The following GPAT3 variants were observed in gnomAD, a reference collection of about 807,000 sequenced individuals.
GPAT3 encodes the protein glycerol-3-phosphate acyltransferase 3.
A neutral mutation model predicts 58.8 loss-of-function variants in GPAT3; 53 were observed. The ratio of observed to expected loss-of-function variants is 0.90; its 90% CI spans 0.72 to 1.13. The LOEUF is 1.13. Among genes scored for constraint, GPAT3 ranks in the 50% most tolerant of loss-of-function variants. The pLI, the probability that GPAT3 is intolerant of heterozygous loss-of-function variation, is 0.00. For missense variants in GPAT3, 511 were observed against 527.6 expected (o/e 0.97, Z 0.31); for synonymous variants, 197 against 187.4 (o/e 1.05, Z -0.42).
intron 2 of GPAT3, among the ~76,000 whole-genome samples, chr4:83,560,652 G>T (rs770250753): frequency 2.6e-5 from 4 of 152,142 alleles, no homozygotes; most frequent in Non-Finnish European, 5.9e-5. Flanking sequence ...GTGTCCTCCT[G>T]CTCAAATCGC....
At chr4:83,586,410 C>T (rs1047529276) in intron 3 of GPAT3, among the ~76,000 whole-genome samples, 2 of 152,162 alleles carry the variant, frequency 1.3e-5, no homozygotes, top group East Asian at 3.8e-4. Context: ...TTGAATACCT[C>T]ACGCATTCAG....
At chr4:83,556,603 A>C (rs1724950379) in intron 2 of GPAT3, among the ~76,000 whole-genome samples, 1 of 151,640 alleles carries the variant, frequency 6.6e-6, no homozygotes, top group Non-Finnish European at 1.5e-5. Flanking sequence ...TAGTGTCCTC[A>C]GCTCCACCCC....
intron 3 of GPAT3, among the ~76,000 whole-genome samples, chr4:83,584,178 C>A (rs1726279634): frequency 6.6e-6 from 1 of 152,146 alleles, no homozygotes; most frequent in African/African-American, 2.4e-5. Flanking sequence ...ATCTACTAAA[C>A]AAATGCTCAC....
rs186811381 is a variant in GPAT3, at chr4:83,581,592, A to G, written c.239A>G (p.Glu80Gly). The part of the protein sequence containing the change: ...GIIQRDESPM[E>G]KGLSGLRGRD... ...ATCCAAAGAGATGAGTCACCCATGGAAAAAGGGCTCTCTGGTCTACGAGGA... is the reference window on the plus strand; with the variant it reads ...ATCCAAAGAGATGAGTCACCCATGGGAAAAGGGCTCTCTGGTCTACGAGGA... Residue 80 changes from glutamate to glycine, a missense_variant, in exon 3 of 12, where the codon GAA becomes GGA. Transcript: ENST00000264409. 3.8e-5 allele frequency: 62 copies of G among 1,613,952 alleles called. No individual in the cohort carries two copies. In the East Asian group the frequency reaches 7.4e-4, roughly 19 times the overall value.
At chr4:83,598,331 G>A (rs2110110102) in intron 10 of GPAT3, 152 bp downstream of exon 10, 1 of 1,065,404 alleles carries the variant, frequency 9.4e-7, no homozygotes, top group East Asian at 2.7e-5. Flanking sequence ...CTTTAAATCA[G>A]ACCATTTTAT....
intron 7 of GPAT3, among the ~76,000 whole-genome samples, chr4:83,595,608 A>ACAG (rs1726792406): frequency 6.6e-6 from 1 of 152,146 alleles, no homozygotes; most frequent in Non-Finnish European, 1.5e-5. Context: ...CTGTGGTCCC[A>ACAG]GCTACTTGGG....
intron 2 of GPAT3, among the ~76,000 whole-genome samples, chr4:83,565,418 G>A (rs1045608561): frequency 6.6e-6 from 1 of 151,990 alleles, no homozygotes; most frequent in African/African-American, 2.4e-5. Context: ...TATACATTTG[G>A]ATCTGTTTCT....
chr4:83,551,707 G>A (rs367653081), intron 2 of GPAT3, among the ~76,000 whole-genome samples: 3 of 148,854 alleles, frequency 2.0e-5, no homozygotes, highest in Non-Finnish European at 4.4e-5. Context: ...CAGGAGAATC[G>A]CTTGAACCTG....
chr4:83,582,989 C>A (rs1435022715), intron 3 of GPAT3, among the ~76,000 whole-genome samples: 1 of 152,232 alleles, frequency 6.6e-6, no homozygotes, highest in Admixed American at 6.5e-5. Flanking sequence ...AATATTAGAG[C>A]TCTTATTTAC....
chr4:83,587,213 T>C, intron 3 of GPAT3, 42 bp from the exon 4 acceptor site: 1 of 1,541,556 alleles, frequency 6.5e-7, no homozygotes, highest in South Asian at 1.1e-5. Flanking sequence ...ACTTCCATGC[T>C]ATGTGTCAAA....
At chr4:83,560,294 G>A (rs542561899) in intron 2 of GPAT3, among the ~76,000 whole-genome samples, 9 of 152,322 alleles carry the variant, frequency 5.9e-5, no homozygotes, top group African/African-American at 2.2e-4. Flanking sequence ...GTGCAATGTG[G>A]CCTGCTCTTC....
At chr4:83,599,883 A>G (rs1447004299) in intron 11 of GPAT3, among the ~76,000 whole-genome samples, 1 of 152,226 alleles carries the variant, frequency 6.6e-6, no homozygotes, top group Non-Finnish European at 1.5e-5. Context: ...CTATATGTAC[A>G]TAGCTATGAT....
At chr4:83,584,749 G>T (rs1206448048) in intron 3 of GPAT3, among the ~76,000 whole-genome samples, 1 of 152,170 alleles carries the variant, frequency 6.6e-6, no homozygotes, top group African/African-American at 2.4e-5. Flanking sequence ...GAAGTGATCC[G>T]CCTGCCTTGG....
At chr4:83,593,440 A>G (rs1726688006) in intron 6 of GPAT3, among the ~76,000 whole-genome samples, 1 of 151,720 alleles carries the variant, frequency 6.6e-6, no homozygotes, top group East Asian at 1.9e-4. Context: ...TGCTGGGAAT[A>G]CAGGTGTGAA....
At chr4:83,565,841 C>A (rs184834764) in intron 2 of GPAT3, among the ~76,000 whole-genome samples, 1 of 152,142 alleles carries the variant, frequency 6.6e-6, no homozygotes, top group African/African-American at 2.4e-5. Context: ...GGTTTACAAG[C>A]GCTTTGTTCT....
chr4:83,551,315 A>G lies in GPAT3; in HGVS notation c.208+6713A>G, dbSNP rs148174249. On this transcript the variant is annotated intron_variant, in intron 2 of 11. Transcript: ENST00000264409. Reference sequence around the variant, plus strand: ...AGAAAAGAAAATATATAGTATAATAACATTTATTTAAAATTTAGAATCACA... The same window carrying G: ...AGAAAAGAAAATATATAGTATAATAGCATTTATTTAAAATTTAGAATCACA... Among the ~76,000 whole-genome samples the G allele has an allele frequency of 6.3e-3, 955 of 152,286 alleles. 13 individuals carry two copies. Among genetic ancestry groups the G allele is most frequent in the African/African-American group, 0.021 (860 of 41,560 alleles).
intron 2 of GPAT3, among the ~76,000 whole-genome samples, chr4:83,572,818 A>T (rs1444003248): frequency 6.6e-6 from 1 of 152,228 alleles, no homozygotes; most frequent in Admixed American, 6.5e-5. Flanking sequence ...TCGCTGTGAA[A>T]TGAGCTTAGC....
intron 2 of GPAT3, among the ~76,000 whole-genome samples, chr4:83,567,872 T>C (rs190147629): frequency 6.6e-6 from 1 of 152,318 alleles, no homozygotes; most frequent in Admixed American, 6.5e-5. Flanking sequence ...ATTTCATCTG[T>C]GCAAATGGTT....
intron 2 of GPAT3, among the ~76,000 whole-genome samples, chr4:83,561,476 C>T (rs1725122706): frequency 6.6e-6 from 1 of 151,876 alleles, no homozygotes; most frequent in Admixed American, 6.6e-5. Context: ...ATGACGTTGG[C>T]ACAAACCTGC....
Sources: gnomAD v4.1 joint callset for allele counts (sites outside exome capture counted in the v4.1 genomes callset) on GRCh38, gnomAD v4.1.1 for gene constraint, MANE v1.5 for transcripts, NCBI Gene and HGNC (gene_info 2026-07-23, HGNC 2026-07-21) for gene names.